The following SKAP2 variants were observed in gnomAD, a reference collection of about 807,000 sequenced individuals.
SKAP2 encodes the protein src kinase associated phosphoprotein 2.
In SKAP2, 28 loss-of-function variants were observed where a neutral mutation model predicts 54.9. The ratio of observed to expected loss-of-function variants is 0.51; its 90% CI spans 0.38 to 0.70. SKAP2 has a LOEUF of 0.70. SKAP2 is among the 30% of genes least tolerant of loss of function. The pLI is 0.00. For synonymous variants in SKAP2, 137 were observed against 134.3 expected (o/e 1.02, Z -0.14); for missense variants, 356 against 424.1 (o/e 0.84, Z 1.41).
intron 4 of SKAP2, among the ~76,000 whole-genome samples, chr7:26,815,900 A>G (rs902989693): frequency 2.0e-5 from 3 of 152,152 alleles, no homozygotes; most frequent in African/African-American, 7.2e-5. Flanking sequence ...CCAACTGCAT[A>G]AAATCCACAT....
intron 1 of SKAP2, among the ~76,000 whole-genome samples, chr7:26,855,598 A>G (rs1785145887): frequency 6.6e-6 from 1 of 152,138 alleles, no homozygotes. Context: ...CTATATAAAA[A>G]TATAGTCACC....
intron 10 of SKAP2, among the ~76,000 whole-genome samples, chr7:26,686,154 T>C (rs1395802667): frequency 6.6e-6 from 1 of 152,110 alleles, no homozygotes; most frequent in African/African-American, 2.4e-5. Context: ...ATATAAGAAA[T>C]ATTTTAAAGC....
chr7:26,703,559 C>A (rs1787092658), intron 9 of SKAP2, among the ~76,000 whole-genome samples: 1 of 151,888 alleles, frequency 6.6e-6, no homozygotes, highest in Non-Finnish European at 1.5e-5. Context: ...TTTATATTAC[C>A]CTCTTTCACT....
intron 9 of SKAP2, among the ~76,000 whole-genome samples, chr7:26,697,010 T>C (rs559270330): frequency 1.3e-5 from 2 of 152,182 alleles, no homozygotes; most frequent in African/African-American, 4.8e-5. Context: ...ATTGGGATGT[T>C]GAGGAAAAAA....
At chr7:26,716,491 G>A (rs1787442071) in intron 9 of SKAP2, among the ~76,000 whole-genome samples, 1 of 152,020 alleles carries the variant, frequency 6.6e-6, no homozygotes. Flanking sequence ...CTTTCTATGT[G>A]GTTTTGTTTC....
intron 4 of SKAP2, among the ~76,000 whole-genome samples, chr7:26,761,195 T>C (rs1782921922): frequency 6.6e-6 from 1 of 152,202 alleles, no homozygotes; most frequent in Admixed American, 6.5e-5. Context: ...TTTGTAGCAA[T>C]AGTCCCTCTT....
intron 4 of SKAP2, among the ~76,000 whole-genome samples, chr7:26,786,791 T>G (rs1046219997): frequency 1.3e-5 from 2 of 152,242 alleles, no homozygotes; most frequent in Non-Finnish European, 2.9e-5. Context: ...ATCTTTTTTT[T>G]CTGAACATAT....
intron 4 of SKAP2, among the ~76,000 whole-genome samples, chr7:26,769,335 A>G (rs895241208): frequency 5.9e-5 from 9 of 152,180 alleles, no homozygotes; most frequent in Non-Finnish European, 1.2e-4. Flanking sequence ...CAAACTGGTT[A>G]TTCTAGTTAG....
chr7:26,846,380 T>G (rs1488520008), intron 3 of SKAP2, among the ~76,000 whole-genome samples: 1 of 152,160 alleles, frequency 6.6e-6, no homozygotes, highest in African/African-American at 2.4e-5. Context: ...AACTTAGTTT[T>G]TAAAATTAGA....
At chr7:26,775,561 G>A (rs1041544967) in intron 4 of SKAP2, among the ~76,000 whole-genome samples, 2 of 138,234 alleles carry the variant, frequency 1.4e-5, no homozygotes, top group African/African-American at 5.9e-5. Flanking sequence ...GTGTGTGTGT[G>A]TGTGTGTGTT....
At chr7:26,776,488 C>T (rs960771551) in intron 4 of SKAP2, among the ~76,000 whole-genome samples, 15 of 152,054 alleles carry the variant, frequency 9.9e-5, no homozygotes, top group African/African-American at 3.6e-4. Context: ...CCTATAATCT[C>T]TATCTCTATG....
At chr7:26,703,511 A>G (rs1310391892) in intron 9 of SKAP2, among the ~76,000 whole-genome samples, 2 of 152,248 alleles carry the variant, frequency 1.3e-5, no homozygotes, top group African/African-American at 2.4e-5. Context: ...AAGATACAAC[A>G]TAACTATATA....
intron 4 of SKAP2, chr7:26,742,201 T>C: frequency 6.6e-6 from 1 of 152,172 alleles, no homozygotes; most frequent in East Asian, 1.9e-4. Flanking sequence ...AAGTGGATAA[T>C]TGTGGAATGA....
chr7:26,805,569 A>C (rs1006273911), intron 4 of SKAP2, among the ~76,000 whole-genome samples: 2 of 152,166 alleles, frequency 1.3e-5, no homozygotes, highest in Non-Finnish European at 2.9e-5. Flanking sequence ...TCATGAGGGC[A>C]CTCAAGTAGA....
At chr7:26,748,083 A>C (rs1782596268) in intron 4 of SKAP2, among the ~76,000 whole-genome samples, 1 of 152,302 alleles carries the variant, frequency 6.6e-6, no homozygotes, top group East Asian at 1.9e-4. Flanking sequence ...ACATACATTT[A>C]AGTATACGAC....
intron 6 of SKAP2, among the ~76,000 whole-genome samples, chr7:26,735,526 G>A (rs979090732): frequency 3.9e-5 from 6 of 152,134 alleles, no homozygotes; most frequent in African/African-American, 1.4e-4. Flanking sequence ...AGGTCAATAT[G>A]TTTTTTGGCA....
intron 9 of SKAP2, among the ~76,000 whole-genome samples, chr7:26,722,469 G>A (rs1336479710): frequency 7.4e-5 from 10 of 135,720 alleles, no homozygotes; most frequent in Non-Finnish European, 1.1e-4. Flanking sequence ...TTGGCTCACT[G>A]CAGCCTCCGC....
chr7:26,659,324 A>T, the SKAP2 span, among the ~76,000 whole-genome samples: 3 of 152,156 alleles, frequency 2.0e-5, no homozygotes, highest in Non-Finnish European at 4.4e-5. Flanking sequence ...CTGTGAAAGG[A>T]ACACAGCACA....
At chr7:26,695,518 T>G (rs1301607437) in intron 9 of SKAP2, among the ~76,000 whole-genome samples, 3 of 152,236 alleles carry the variant, frequency 2.0e-5, no homozygotes, top group Non-Finnish European at 4.4e-5. Context: ...ATTTTAACTT[T>G]AGGCATATGC....
Sources: allele counts gnomAD v4.1 joint callset (sites outside exome capture counted in the v4.1 genomes callset), GRCh38; gene constraint gnomAD v4.1.1; transcripts MANE v1.5; gene names NCBI Gene and HGNC (gene_info 2026-07-23, HGNC 2026-07-21).